Variants in NTSR2 observed in about 807,000 individuals in gnomAD.
NTSR2 encodes the protein neurotensin receptor type 2.
NTSR2 carries 22 observed loss-of-function variants against 24.1 expected under a neutral mutation model. The ratio of observed to expected loss-of-function variants is 0.91; its 90% CI spans 0.65 to 1.30. The LOEUF is 1.30. NTSR2 is among the 50% of genes most tolerant of loss of function. NTSR2 has a pLI of 0.00. For synonymous variants in NTSR2, 291 were observed against 267.0 expected (o/e 1.09, Z -0.88); for missense variants, 570 against 570.4 (o/e 1.00, Z 0.01).
chr2:11,659,528 A>G (rs751308120), intron 3 of NTSR2, among the ~76,000 whole-genome samples: 11 of 152,172 alleles, frequency 7.2e-5, no homozygotes, highest in Non-Finnish European at 1.2e-4. Context: ...TGGGACCTCG[A>G]TTCTTTTGGA....
chr2:11,658,403 T>A lies in NTSR2; in HGVS notation c.*76A>T. Reference sequence around the variant, plus strand: ...GCTGCGAAGCTTGAATGATTAGTGATGAGGTTGCTCACCTGCTTTGCCAGG... The same window carrying A: ...GCTGCGAAGCTTGAATGATTAGTGAAGAGGTTGCTCACCTGCTTTGCCAGG... On this transcript the variant is annotated 3_prime_UTR_variant, in exon 4 of 4. Transcript: ENST00000306928. 3 of 1,514,240 alleles carry A rather than the reference T, an allele frequency of 2.0e-6. No homozygotes were observed. In the Admixed American group the frequency reaches 6.5e-5, roughly 33 times the overall value. 93.8% of individuals were successfully genotyped at this position (1,514,240 alleles called of 1,614,324 possible).
At position 11,669,488 on chromosome 2, in the gene NTSR2, C is replaced by T. The variant is rs750696161; in HGVS notation, c.624+18G>A. Reference sequence around the variant, plus strand: ...CCCCCACCCCCCCTCCCCCGACTCCCGCTCTCCACGCCCTTACCTGGATAA... The same window carrying T: ...CCCCCACCCCCCCTCCCCCGACTCCTGCTCTCCACGCCCTTACCTGGATAA... On this transcript the variant is annotated intron_variant, in intron 1 of 3. Transcript: ENST00000306928. 1 of 1,261,474 alleles carries T rather than the reference C, an allele frequency of 7.9e-7. No homozygotes were observed. Among genetic ancestry groups the T allele is most frequent in the Non-Finnish European group, 1.0e-6 (1 of 993,610 alleles). 78.1% of individuals were successfully genotyped at this position (1,261,474 alleles called of 1,614,324 possible). A position where few individuals can be genotyped will look rare whatever the true frequency, so the allele number is the denominator to read the frequency against.
Position 11,662,025 on chromosome 2 carries a change from C to A in NTSR2, c.840G>T (p.Leu280=), listed in dbSNP as rs775080693. Residue 280 remains leucine, a synonymous_variant, in exon 2 of 4, where the codon CTG becomes CTT. Transcript: ENST00000306928. ...TCCGGCGCACGTCTTTATGTCTCAC[C>A]AGGCTGACCTGGCCTCCCTGGATAA... ...KTFIQGGQVS[L]VRHKDVRRIR... is the part of the protein sequence containing the mutation. 1.9e-5 allele frequency: 31 copies of A among 1,612,882 alleles called. No homozygotes were observed. The highest frequency in any genetic ancestry group is 1.3e-5 in the Non-Finnish European group (15 of 1,179,552).
At position 11,662,019 on chromosome 2, in the gene NTSR2, T is replaced by C. The variant is rs1411931760; in HGVS notation, c.846A>G (p.Arg282=). 2 of 1,612,742 alleles carry C rather than the reference T, an allele frequency of 1.2e-6. No individual in the cohort carries two copies. Among genetic ancestry groups the C allele is most frequent in the Admixed American group, 1.7e-5 (1 of 59,860 alleles). The change falls in exon 2 of 4, where the codon AGA becomes AGG. Residue 282 remains arginine (R), a synonymous_variant. Transcript: ENST00000306928. ...TGCGGATCCGGCGCACGTCTTTATG[T>C]CTCACCAGGCTGACCTGGCCTCCCT... The part of the protein sequence containing the change: ...FIQGGQVSLV[R]HKDVRRIRSL...
chr2:11,659,705 C>T (rs541045805), intron 3 of NTSR2, among the ~76,000 whole-genome samples: 119 of 152,294 alleles, frequency 7.8e-4, no homozygotes, highest in African/African-American at 2.8e-3. Flanking sequence ...CTCACACTCT[C>T]CTTGGAATAG....
chr2:11,662,273 C>T (rs146117505), intron 1 of NTSR2, 33 bp from the exon 2 acceptor site: 741 of 1,454,670 alleles, frequency 5.1e-4, no homozygotes, highest in Non-Finnish European at 6.0e-4. Flanking sequence ...TATGGGGCAG[C>T]GCCAGGGCCC....
At chr2:11,663,765 G>A (rs1661133507) in intron 1 of NTSR2, among the ~76,000 whole-genome samples, 1 of 152,118 alleles carries the variant, frequency 6.6e-6, no homozygotes, top group Non-Finnish European at 1.5e-5. Context: ...AGAGTGAAAT[G>A]CTCATTTTCT....
At chr2:11,662,456 T>A (rs963067187) in intron 1 of NTSR2, among the ~76,000 whole-genome samples, 1 of 151,448 alleles carries the variant, frequency 6.6e-6, no homozygotes, top group Admixed American at 6.6e-5. Context: ...AGAAAAAAAA[T>A]AGAGAAAACA....
At chr2:11,669,459 C>CCGGGGCGGGGG in intron 1 of NTSR2, 47 bp downstream of exon 1, 1 of 337,894 alleles carries the variant, frequency 3.0e-6, no homozygotes, top group Non-Finnish European at 5.3e-6. Flanking sequence ...CTCCCAGCAC[C>CCGGGGCGGGGG]GCCCCCCCAC....
rs764965868 is a variant in NTSR2 at position 11,662,149 on chromosome 2, T to G, written c.716A>C (p.Gln239Pro). 6.2e-7 allele frequency: 1 copy of G among 1,604,960 alleles called. No homozygotes were observed. The highest frequency in any genetic ancestry group is 1.7e-5 in the Admixed American group (1 of 58,458). Reference protein sequence around the residue: ...TVSHLLALCSQVPSTSTPGSS... With the variant: ...TVSHLLALCSPVPSTSTPGSS... ...GCCCGGGGTAGAAGTGGACGGCACT[T>G]GGGAGCAGAGGGCCAGCAGGTGGCT... The change falls in exon 2 of 4, where the codon CAA becomes CCA. Residue 239 changes from glutamine to proline, a missense_variant. Coordinates refer to ENST00000306928, the MANE Select transcript of NTSR2 (RefSeq NM_012344.4).
chr2:11,665,055 GTTTTTTTTTTTTT>G (rs34751276), intron 1 of NTSR2, among the ~76,000 whole-genome samples: 7 of 106,680 alleles, frequency 6.6e-5, no homozygotes, highest in African/African-American at 1.7e-4. Flanking sequence ...CTTTGGCACT[GTTTTTTTTTTTTT>G]TTTTTTTTTT....
intron 2 of NTSR2, among the ~76,000 whole-genome samples, chr2:11,661,134 G>A (rs980285287): frequency 2.6e-5 from 4 of 152,136 alleles, no homozygotes; most frequent in Non-Finnish European, 4.4e-5. Context: ...CAGAATCTTG[G>A]GCCCCGCGGC....
intron 1 of NTSR2, among the ~76,000 whole-genome samples, chr2:11,663,035 T>C (rs1389160011): frequency 6.6e-6 from 1 of 152,254 alleles, no homozygotes; most frequent in Admixed American, 6.5e-5. Context: ...TAGAAAATCA[T>C]GAGCAGTGCT....
At chr2:11,659,663 G>A (rs200446925) in intron 3 of NTSR2, among the ~76,000 whole-genome samples, 1 of 152,184 alleles carries the variant, frequency 6.6e-6, no homozygotes, top group East Asian at 1.9e-4. Flanking sequence ...GGGGACCTTT[G>A]TTAGCTCCTG....
At chr2:11,665,688 C>T (rs1387658091) in intron 1 of NTSR2, 2 of 152,238 alleles carry the variant, frequency 1.3e-5, no homozygotes, top group Non-Finnish European at 2.9e-5. Context: ...TCACTATCCC[C>T]CAAGGTAACT....
At chr2:11,667,610 G>T (rs961815987) in intron 1 of NTSR2, among the ~76,000 whole-genome samples, 1 of 152,196 alleles carries the variant, frequency 6.6e-6, no homozygotes, top group African/African-American at 2.4e-5. Context: ...CTCCCAAAGT[G>T]CTGAGATTAC....
chr2:11,668,855 G>C (rs1661259707), intron 1 of NTSR2, among the ~76,000 whole-genome samples: 1 of 152,210 alleles, frequency 6.6e-6, no homozygotes, highest in South Asian at 2.1e-4. Context: ...CCCTGGAGTT[G>C]GGGAGGAGGT....
At chr2:11,663,503 A>G (rs1296624142) in intron 1 of NTSR2, among the ~76,000 whole-genome samples, 1 of 152,276 alleles carries the variant, frequency 6.6e-6, no homozygotes, top group Admixed American at 6.5e-5. Flanking sequence ...AATGAACTAC[A>G]AATAGGTACT....
intron 1 of NTSR2, chr2:11,665,931 C>T (rs76948294): frequency 0.05 from 7,680 of 154,014 alleles, 262 homozygotes; most frequent in Non-Finnish European, 0.079. Flanking sequence ...CAAGCGGCTC[C>T]CACTTGCTGG....
Sources: allele counts gnomAD v4.1 joint callset (sites outside exome capture counted in the v4.1 genomes callset), GRCh38; gene constraint gnomAD v4.1.1; transcripts MANE v1.5; gene names NCBI Gene and HGNC (gene_info 2026-07-23, HGNC 2026-07-21).